The following CD200R1 variants were observed in gnomAD, a reference collection of about 807,000 sequenced individuals.
The protein encoded by CD200R1 is CD200 receptor 1.
In CD200R1, 30 loss-of-function variants were observed where a neutral mutation model predicts 38.1. The observed-to-expected ratio is 0.79, with a 90% CI of 0.59 to 1.07. The LOEUF (loss-of-function observed/expected upper bound fraction) is 1.07, where lower values mean the gene tolerates loss of function less well. Ranked by LOEUF, CD200R1 falls within the 50% of genes least tolerant of loss-of-function variation. CD200R1 has a pLI of 0.00. For missense variants in CD200R1, 372 were observed against 415.4 expected (o/e 0.90, Z 0.91); for synonymous variants, 128 against 152.1 (o/e 0.84, Z 1.16).
At chr3:112,925,716 T>C (rs973599968) in intron 5 of CD200R1, among the ~76,000 whole-genome samples, 1 of 152,108 alleles carries the variant, frequency 6.6e-6, no homozygotes, top group Non-Finnish European at 1.5e-5. Context: ...GAAATTTCTG[T>C]ACTTTCCACT....
rs1940217213 is a variant in CD200R1 at position 112,923,621 on chromosome 3, C to A, written c.*56G>T. 2.3e-6 allele frequency: 2 copies of A among 874,140 alleles called. No individual in the cohort carries two copies. Among genetic ancestry groups the A allele is most frequent in the South Asian group, 1.6e-5 (1 of 62,578 alleles). The allele number at this position is 874,140 out of a possible 1,614,324, so 54.1% of individuals were successfully genotyped here. On this transcript the variant is annotated 3_prime_UTR_variant, in exon 8 of 8. Coordinates refer to ENST00000308611, the MANE Select transcript of CD200R1 (RefSeq NM_138806.4). ...ATTCTAGAACTGTAAGAAAATCAGA[C>A]AGTAATTATAATGTATCTCGTTTGT...
chr3:112,948,817 C>A (rs1940918265), intron 1 of CD200R1, among the ~76,000 whole-genome samples: 1 of 152,206 alleles, frequency 6.6e-6, no homozygotes, highest in Non-Finnish European at 1.5e-5. Context: ...AAGTACTCTG[C>A]TAGGCACAGA....
intron 5 of CD200R1, among the ~76,000 whole-genome samples, chr3:112,926,240 A>C (rs1172064486): frequency 6.6e-6 from 1 of 152,208 alleles, no homozygotes; most frequent in Non-Finnish European, 1.5e-5. Context: ...ACGATTTGCA[A>C]ACTATGCTCC....
intron 1 of CD200R1, among the ~76,000 whole-genome samples, chr3:112,964,559 T>G (rs1435694137): frequency 1.3e-5 from 2 of 152,194 alleles, no homozygotes; most frequent in Non-Finnish European, 2.9e-5. Flanking sequence ...TTTTGACCAA[T>G]TTCTCCCATT....
intron 2 of CD200R1, among the ~76,000 whole-genome samples, chr3:112,945,972 G>GC (rs916449496): frequency 6.9e-6 from 1 of 144,130 alleles, no homozygotes; most frequent in African/African-American, 2.6e-5. Flanking sequence ...GGCGGAGCTT[G>GC]CAGTGAGCCA....
chr3:112,936,641 T>C lies in CD200R1; in HGVS notation c.137-5470A>G, dbSNP rs558753754. Among the ~76,000 whole-genome samples the C allele has an allele frequency of 2.0e-5, 3 of 152,328 alleles. No individual in the cohort carries two copies. The East Asian group carries it at 5.8e-4, about 29-fold the overall frequency. On this transcript the variant is annotated intron_variant, in intron 2 of 7. Coordinates refer to ENST00000308611, the MANE Select transcript of CD200R1 (RefSeq NM_138806.4). ...CTATTCATGTTCCTTACCCACTTTT[T>C]AATGGGGTTCTTTTTTTCTTATACA...
At chr3:112,937,860 AT>A (rs1211286821) in intron 2 of CD200R1, among the ~76,000 whole-genome samples, 2 of 152,030 alleles carry the variant, frequency 1.3e-5, no homozygotes, top group Non-Finnish European at 2.9e-5. Flanking sequence ...GTCATCTCTG[AT>A]TTCTTTGAGC....
At chr3:112,930,105 C>A (rs1164269834) in intron 3 of CD200R1, among the ~76,000 whole-genome samples, 1 of 128,844 alleles carries the variant, frequency 7.8e-6, no homozygotes. Flanking sequence ...TCAGTGAAAC[C>A]CACAGATCTT....
At chr3:112,932,832 G>A (rs965861828) in intron 2 of CD200R1, among the ~76,000 whole-genome samples, 1 of 151,982 alleles carries the variant, frequency 6.6e-6, no homozygotes, top group Admixed American at 6.5e-5. Context: ...AGCCCCACAA[G>A]CTCACTGTTG....
chr3:112,967,598 CA>C lies in CD200R1; in HGVS notation c.67+7192del, dbSNP rs1444899578. Among the ~76,000 whole-genome samples the C allele has an allele frequency of 3.3e-5, 5 of 152,336 alleles. No individual in the cohort carries two copies. In the South Asian group the frequency reaches 1.0e-3, roughly 32 times the overall value. On this transcript the variant is annotated intron_variant, in intron 1 of 7. Transcript: ENST00000308611. Reference sequence around the variant, plus strand: ...TATGTCTGTCTTGATCAAATGTCCACAGCATGAAGCACAGTGACTGATACAT... The same window carrying C: ...TATGTCTGTCTTGATCAAATGTCCACGCATGAAGCACAGTGACTGATACAT...
At chr3:112,943,821 A>G (rs994261243) in intron 2 of CD200R1, among the ~76,000 whole-genome samples, 14 of 151,856 alleles carry the variant, frequency 9.2e-5, no homozygotes, top group Non-Finnish European at 1.5e-4. Context: ...ACAGAATACT[A>G]TGAAGAATTC....
chr3:112,945,090 G>C (rs1317829384), intron 2 of CD200R1, among the ~76,000 whole-genome samples: 1 of 152,212 alleles, frequency 6.6e-6, no homozygotes, highest in African/African-American at 2.4e-5. Flanking sequence ...AGTAAATGGA[G>C]TGAGACCTCA....
intron 6 of CD200R1, 93 bp downstream of exon 6, chr3:112,924,992 A>T: frequency 1.3e-6 from 1 of 745,742 alleles, no homozygotes; most frequent in South Asian, 1.6e-5. Flanking sequence ...TGATGTTAAC[A>T]TCCTAATATA....
Position 112,929,030 on chromosome 3 carries a change from A to G in CD200R1, c.555T>C (p.Asn185=). The G allele has an allele frequency of 6.2e-7, 1 of 1,613,942 alleles. No individual in the cohort carries two copies. Among genetic ancestry groups the G allele is most frequent in the Non-Finnish European group, 8.5e-7 (1 of 1,180,010 alleles). Residue 185 remains asparagine, a synonymous_variant, in exon 5 of 8, where the codon AAT becomes AAC. Transcript: ENST00000308611. The part of the protein sequence containing the change: ...TPEVTLFQNR[N]RTAVCKAVAG... Reference sequence around the variant, plus strand: ...CAACTGCCTTGCATACTGCAGTTCTATTCCTGTTTTGAAACAGGGTCACTT... The same window carrying G: ...CAACTGCCTTGCATACTGCAGTTCTGTTCCTGTTTTGAAACAGGGTCACTT...
At chr3:112,954,286 C>A (rs1941037353) in intron 1 of CD200R1, among the ~76,000 whole-genome samples, 1 of 152,024 alleles carries the variant, frequency 6.6e-6, no homozygotes, top group Non-Finnish European at 1.5e-5. Flanking sequence ...CCCCTCCAAC[C>A]ATAATGTTGG....
At chr3:112,940,397 T>C (rs963430028) in intron 2 of CD200R1, among the ~76,000 whole-genome samples, 1 of 151,910 alleles carries the variant, frequency 6.6e-6, no homozygotes, top group African/African-American at 2.4e-5. Flanking sequence ...TGGGATAAAA[T>C]ATTTGTAAAA....
intron 2 of CD200R1, among the ~76,000 whole-genome samples, chr3:112,945,557 A>G (rs770491320): frequency 6.6e-6 from 1 of 152,202 alleles, no homozygotes; most frequent in Non-Finnish European, 1.5e-5. Context: ...AATAAACTCA[A>G]AATGGATCAG....
chr3:112,945,972 G>C (rs1321226579), intron 2 of CD200R1, among the ~76,000 whole-genome samples: 1 of 144,130 alleles, frequency 6.9e-6, no homozygotes, highest in African/African-American at 2.6e-5. Flanking sequence ...GGCGGAGCTT[G>C]CAGTGAGCCA....
chr3:112,929,636 C>A, intron 3 of CD200R1, 129 bp from the exon 4 acceptor site: 1 of 825,258 alleles, frequency 1.2e-6, no homozygotes, highest in Non-Finnish European at 1.8e-6. Context: ...AATATTAGAC[C>A]TTCATAAAAA....
Sources: allele counts gnomAD v4.1 joint callset (sites outside exome capture counted in the v4.1 genomes callset), GRCh38; gene constraint gnomAD v4.1.1; transcripts MANE v1.5; gene names NCBI Gene and HGNC (gene_info 2026-07-23, HGNC 2026-07-21).